IMMP2L: variants seen among roughly 807,000 people sequenced by gnomAD.
The protein encoded by IMMP2L is inner mitochondrial membrane peptidase subunit 2.
A neutral mutation model predicts 19.3 loss-of-function variants in IMMP2L; 18 were observed. The observed-to-expected ratio is 0.93, with a 90% confidence interval of 0.64 to 1.38. IMMP2L has a LOEUF of 1.38. Ranked by LOEUF, IMMP2L falls within the 40% of genes most tolerant of loss-of-function variation. The pLI is 0.00. For synonymous variants in IMMP2L, 76 were observed against 73.0 expected, an observed-to-expected ratio of 1.04 and a Z score of -0.21; for missense variants, 233 against 218.2, an observed-to-expected ratio of 1.07 and a Z score of -0.43.
chr7:111,195,595 T>C (rs1322383990), intron 3 of IMMP2L, among the ~76,000 whole-genome samples: 1 of 152,144 alleles, frequency 6.6e-6, no homozygotes, highest in Admixed American at 6.5e-5. Context: ...TGTACATATA[T>C]TTTCATTGAA....
chr7:110,778,075 G>C (rs979189533), intron 5 of IMMP2L, among the ~76,000 whole-genome samples: 17 of 151,988 alleles, frequency 1.1e-4, no homozygotes, highest in African/African-American at 3.9e-4. Flanking sequence ...ATGAACATCT[G>C]GCTTCTAGAG....
At chr7:111,466,875 G>T (rs1398082930) in intron 3 of IMMP2L, among the ~76,000 whole-genome samples, 1 of 152,092 alleles carries the variant, frequency 6.6e-6, no homozygotes, top group Non-Finnish European at 1.5e-5. Flanking sequence ...GTAATCTGGA[G>T]ATAATTTAAA....
At chr7:111,261,435 A>G (rs1317968709) in intron 3 of IMMP2L, among the ~76,000 whole-genome samples, 1 of 152,086 alleles carries the variant, frequency 6.6e-6, no homozygotes, top group Non-Finnish European at 1.5e-5. Flanking sequence ...ATATTTTTTA[A>G]AAAGCTATTA....
At chr7:110,984,037 C>A in intron 3 of IMMP2L, among the ~76,000 whole-genome samples, 1 of 151,898 alleles carries the variant, frequency 6.6e-6, no homozygotes, top group Non-Finnish European at 1.5e-5. Context: ...AGCAGATTCT[C>A]TCTCAAAGGG....
rs563515986 is a variant in IMMP2L at position 111,332,123 on chromosome 7, C to A, written c.239+155115G>T. Among the ~76,000 whole-genome samples the A allele has an allele frequency of 2.6e-5, 4 of 151,154 alleles. 1 individual carries two copies. The highest frequency in any genetic ancestry group is 5.9e-5 in the Non-Finnish European group (4 of 67,736). ...GGAACTAAAGAATATCAATAACAGC[C>A]GAATAACCAGATGTTAAAAGGTCAT... On this transcript the variant is annotated intron_variant, in intron 3 of 5. Transcript: ENST00000405709.
chr7:111,090,201 G>T (rs1273412931), intron 3 of IMMP2L, among the ~76,000 whole-genome samples: 2 of 151,986 alleles, frequency 1.3e-5, no homozygotes, highest in Non-Finnish European at 2.9e-5. Context: ...GCACTGCTAT[G>T]TGTTTCTGTG....
At chr7:110,770,277 A>G (rs189633911) in intron 5 of IMMP2L, among the ~76,000 whole-genome samples, 1 of 152,330 alleles carries the variant, frequency 6.6e-6, no homozygotes, top group Admixed American at 6.5e-5. Flanking sequence ...ATGTGCATTT[A>G]TGCAGGGTCA....
At chr7:111,001,024 G>A (rs1759922942) in intron 3 of IMMP2L, among the ~76,000 whole-genome samples, 1 of 152,152 alleles carries the variant, frequency 6.6e-6, no homozygotes, top group Non-Finnish European at 1.5e-5. Flanking sequence ...GATGATCTAT[G>A]CAAACAATGA....
chr7:110,942,164 C>T (rs78342361), intron 4 of IMMP2L, among the ~76,000 whole-genome samples: 141 of 152,036 alleles, frequency 9.3e-4, no homozygotes, highest in African/African-American at 3.3e-3. Context: ...CAATTAATTA[C>T]ATTTCATTCA....
chr7:111,061,042 A>C (rs983171759), intron 3 of IMMP2L, among the ~76,000 whole-genome samples: 1 of 152,172 alleles, frequency 6.6e-6, no homozygotes, highest in African/African-American at 2.4e-5. Context: ...CTTGCAATAG[A>C]ACAGTGTTTA....
chr7:111,058,700 T>C (rs1793736026), intron 3 of IMMP2L, among the ~76,000 whole-genome samples: 1 of 152,190 alleles, frequency 6.6e-6, no homozygotes, highest in Non-Finnish European at 1.5e-5. Flanking sequence ...AACCCAAGAA[T>C]ACTTATACAA....
intron 3 of IMMP2L, among the ~76,000 whole-genome samples, chr7:111,304,923 A>G (rs976426856): frequency 3.9e-5 from 6 of 152,106 alleles, no homozygotes; most frequent in Non-Finnish European, 8.8e-5. Flanking sequence ...TGATCAAAGG[A>G]AAGTCTCGGA....
intron 3 of IMMP2L, among the ~76,000 whole-genome samples, chr7:111,195,655 C>T (rs916449730): frequency 3.5e-5 from 2 of 56,670 alleles, no homozygotes; most frequent in African/African-American, 1.3e-4. Flanking sequence ...TATATGTGAG[C>T]TCATTTATTT....
In IMMP2L at chr7:110,799,838, T is replaced by A. The variant is rs74977847; in HGVS notation, c.408+86755A>T. ...AATTACGAATTCCACTGGTTGAGGC[T>A]TTGCTTCAGTTCACCCATAGAGTCT... is the stretch of plus-strand genomic sequence containing the variant. On this transcript the variant is annotated intron_variant, in intron 5 of 5. Transcript: ENST00000405709. 1.1e-4 allele frequency among the ~76,000 whole-genome samples: 17 copies of A among 152,178 alleles called. No individual in the cohort carries two copies. The East Asian group carries it at 3.3e-3, about 30-fold the overall frequency.
intron 3 of IMMP2L, among the ~76,000 whole-genome samples, chr7:111,218,087 AAAT>A (rs1006731109): frequency 2.0e-5 from 3 of 152,054 alleles, no homozygotes; most frequent in Non-Finnish European, 4.4e-5. Flanking sequence ...ATCCTAAGGA[AAAT>A]AATAAAATCT....
chr7:110,801,590 A>T (rs1801250496), intron 5 of IMMP2L, among the ~76,000 whole-genome samples: 1 of 152,074 alleles, frequency 6.6e-6, no homozygotes, highest in Non-Finnish European at 1.5e-5. Flanking sequence ...TTCTAGCTAG[A>T]ATTGGGAATT....
At chr7:111,395,782 A>G (rs1213339114) in intron 3 of IMMP2L, among the ~76,000 whole-genome samples, 2 of 152,114 alleles carry the variant, frequency 1.3e-5, no homozygotes, top group Non-Finnish European at 2.9e-5. Flanking sequence ...TCCACTAAAT[A>G]AGCATTAGTA....
At chr7:111,525,889 G>A (rs1846792651) in intron 1 of IMMP2L, among the ~76,000 whole-genome samples, 1 of 152,098 alleles carries the variant, frequency 6.6e-6, no homozygotes, top group African/African-American at 2.4e-5. Flanking sequence ...TCCAATGGAT[G>A]AGCATTAAAA....
intron 5 of IMMP2L, among the ~76,000 whole-genome samples, chr7:110,769,533 A>G (rs1425156103): frequency 6.6e-6 from 1 of 152,150 alleles, no homozygotes; most frequent in African/African-American, 2.4e-5. Flanking sequence ...GAAGAGAGGA[A>G]GTAAAATGCA....
Sources: allele counts gnomAD v4.1 joint callset (sites outside exome capture counted in the v4.1 genomes callset), GRCh38; gene constraint gnomAD v4.1.1; transcripts MANE v1.5; gene names NCBI Gene and HGNC (gene_info 2026-07-23, HGNC 2026-07-21).